The following TGM3 variants were observed in gnomAD, a reference collection of about 807,000 sequenced individuals.
TGM3 encodes the protein transglutaminase 3.
TGM3 carries 52 observed loss-of-function variants against 73.8 expected under a neutral mutation model. The ratio of observed to expected loss-of-function variants is 0.70; its 90% CI spans 0.56 to 0.89. The LOEUF (loss-of-function observed/expected upper bound fraction) is 0.89. TGM3 is among the 40% of genes least tolerant of loss of function. The pLI, the probability that TGM3 is intolerant of heterozygous loss-of-function variation, is 0.00. For missense variants in TGM3, 928 were observed against 909.9 expected (o/e 1.02, Z -0.26); for synonymous variants, 372 against 354.9 (o/e 1.05, Z -0.54).
rs774796716 is a variant in TGM3, at chr20:2,340,915, G to T, written c.*334G>T. On this transcript the variant is annotated 3_prime_UTR_variant, in exon 13 of 13. Coordinates refer to ENST00000381458, the MANE Select transcript of TGM3 (RefSeq NM_003245.4). Reference sequence around the variant, plus strand: ...CCCCTGACCCAGGGACTCTCCAAACGGGATACAGGAGAGAAGCTGGTCTAG... The same window carrying T: ...CCCCTGACCCAGGGACTCTCCAAACTGGATACAGGAGAGAAGCTGGTCTAG... 2.0e-6 allele frequency: 1 copy of T among 493,894 alleles called. No homozygotes were observed. The highest frequency in any genetic ancestry group is 2.3e-5 in the Admixed American group (1 of 43,608). The allele number at this position is 493,894 out of a possible 1,614,324, so 30.6% of individuals were successfully genotyped here. A position where few individuals can be genotyped will look rare whatever the true frequency, so the allele number is the denominator to read the frequency against.
chr20:2,338,020 G>A (rs553234511), intron 11 of TGM3, among the ~76,000 whole-genome samples: 2 of 151,960 alleles, frequency 1.3e-5, no homozygotes, highest in South Asian at 2.1e-4. Flanking sequence ...TCACCTAATC[G>A]AGACATTCTT....
At chr20:2,318,470 G>A (rs2084247015) in intron 7 of TGM3, among the ~76,000 whole-genome samples, 1 of 152,118 alleles carries the variant, frequency 6.6e-6, no homozygotes, top group African/African-American at 2.4e-5. Context: ...TAGAGCACTA[G>A]ATAGATAGAT....
At chr20:2,308,707 G>GC (rs769523572) in intron 1 of TGM3, among the ~76,000 whole-genome samples, 3 of 152,274 alleles carry the variant, frequency 2.0e-5, no homozygotes, top group South Asian at 4.1e-4. Flanking sequence ...AGCATCAGAG[G>GC]CCCAGGCCAA....
chr20:2,301,403 A>C (rs214783), intron 1 of TGM3, among the ~76,000 whole-genome samples: 108,212 of 146,952 alleles, frequency 0.74, 41,788 homozygotes, highest in East Asian at 0.93. Flanking sequence ...ATGGCTTCCC[A>C]TTTCAGGGCC....
intron 4 of TGM3, among the ~76,000 whole-genome samples, chr20:2,312,269 A>G (rs543700699): frequency 1.1e-4 from 17 of 151,560 alleles, no homozygotes; most frequent in South Asian, 4.2e-4. Context: ...GTGTGGTGGC[A>G]CGGGCCTGTA....
intron 8 of TGM3, 183 bp downstream of exon 8, chr20:2,326,135 G>A (rs2084286691): frequency 1.6e-6 from 1 of 643,206 alleles, no homozygotes; most frequent in Non-Finnish European, 2.7e-6. Context: ...CTGTTTAAAT[G>A]AGTGCCTGCC....
chr20:2,306,412 A>AT (rs2084176693), intron 1 of TGM3, among the ~76,000 whole-genome samples: 1 of 151,928 alleles, frequency 6.6e-6, no homozygotes, highest in South Asian at 2.1e-4. Flanking sequence ...GTTTCCTAAA[A>AT]ATATATATTT....
chr20:2,340,040 G>GGTGGGGGGGGGGGGGGC, intron 12 of TGM3, 53 bp downstream of exon 12: 2 of 944,840 alleles, frequency 2.1e-6, no homozygotes, highest in Non-Finnish European at 3.2e-6. Flanking sequence ...GGGCGGGGGG[G>GGTGGGGGGGGGGGGGGC]CCCTCCAGAT....
At chr20:2,322,927 T>TAA (rs2122234728) in intron 7 of TGM3, among the ~76,000 whole-genome samples, 1 of 152,344 alleles carries the variant, frequency 6.6e-6, no homozygotes, top group Non-Finnish European at 1.5e-5. Context: ...ACTATATATA[T>TAA]AACACATACA....
At chr20:2,320,136 C>T (rs1002660699) in intron 7 of TGM3, among the ~76,000 whole-genome samples, 11 of 152,060 alleles carry the variant, frequency 7.2e-5, no homozygotes, top group South Asian at 2.1e-4. Context: ...TAAGGGCAAC[C>T]GGAGTTTGGA....
intron 7 of TGM3, among the ~76,000 whole-genome samples, chr20:2,321,277 G>T (rs530513405): frequency 6.6e-6 from 1 of 152,316 alleles, no homozygotes; most frequent in African/African-American, 2.4e-5. Flanking sequence ...AGGCCTTAGA[G>T]ACTGAATAGA....
In TGM3 at chr20:2,312,042, A is replaced by G. The variant is rs45476297; in HGVS notation, c.541-856A>G. On this transcript the variant is annotated intron_variant, in intron 4 of 12. Transcript: ENST00000381458. ...ATTTTGTGAAAATCACTTCAAATAC[A>G]TATACTTTAGCAAGAGATTTTATTT... Among the ~76,000 whole-genome samples the G allele has an allele frequency of 6.1e-3, 931 of 152,310 alleles. 2 individuals are homozygous for G. The highest frequency in any genetic ancestry group is 9.1e-3 in the Non-Finnish European group (621 of 68,022).
intron 4 of TGM3, among the ~76,000 whole-genome samples, chr20:2,312,118 G>A (rs1222815835): frequency 6.6e-6 from 1 of 152,170 alleles, no homozygotes; most frequent in Non-Finnish European, 1.5e-5. Context: ...ATTGCAGGCA[G>A]GCCAGGTGCA....
intron 1 of TGM3, among the ~76,000 whole-genome samples, chr20:2,304,590 G>A (rs927420805): frequency 1.3e-5 from 2 of 152,086 alleles, no homozygotes; most frequent in African/African-American, 4.8e-5. Context: ...AGGAGGTTTC[G>A]GGACCACAGT....
At chr20:2,311,254 A>G (rs2084202181) in intron 4 of TGM3, 125 bp downstream of exon 4, 1 of 766,738 alleles carries the variant, frequency 1.3e-6, no homozygotes, top group Non-Finnish European at 2.2e-6. Flanking sequence ...TTGTTCATGT[A>G]TTCAGAAGAC....
Position 2,311,036 on chromosome 20 carries a change from C to A in TGM3, c.447C>A (p.His149Gln), listed in dbSNP as rs111464324. Reference sequence around the variant, plus strand: ...TGGATAGCGTCTTTATGGGTAACCACGCTGAGAGAGAAGAGTATGTTCAGG... The same window carrying A: ...TGGATAGCGTCTTTATGGGTAACCAAGCTGAGAGAGAAGAGTATGTTCAGG... Reference protein sequence around the residue: ...LNVDSVFMGNHAEREEYVQED... With the variant: ...LNVDSVFMGNQAEREEYVQED... The change falls in exon 4 of 13, where the codon CAC becomes CAA. Residue 149 changes from histidine to glutamine, a missense_variant. Coordinates refer to ENST00000381458, the MANE Select transcript of TGM3 (RefSeq NM_003245.4). The A allele has an allele frequency of 1.2e-6, 2 of 1,614,010 alleles. No individual in the cohort carries two copies. The highest frequency in any genetic ancestry group is 1.1e-5 in the South Asian group (1 of 91,076).
intron 6 of TGM3, 48 bp downstream of exon 6, chr20:2,317,293 G>A (rs751371284): frequency 6.2e-7 from 1 of 1,613,816 alleles, no homozygotes; most frequent in South Asian, 1.1e-5. Context: ...GTGGCAGTGG[G>A]CTATGCCAAG....
rs774099017 is a variant in TGM3, at chr20:2,328,193, C to G, written c.1161C>G (p.Pro387=). Residue 387 remains proline (P), a synonymous_variant, in exon 9 of 13, where the codon CCC becomes CCG. Coordinates refer to ENST00000381458, the MANE Select transcript of TGM3 (RefSeq NM_003245.4). This position sits in a 1 kb window ranked among gnomAD's most constrained non-coding sequence, Gnocchi z 5.2. ...EGDVQLNFDM[P]FIFAEVNADR... ...ATGTGCAGCTGAACTTCGACATGCC[C>G]TTTATCTTCGCGGAGGTTAATGCCG... 12 of 1,614,072 alleles carry G rather than the reference C, an allele frequency of 7.4e-6. No homozygotes were observed. In the African/African-American group the frequency reaches 1.6e-4, roughly 22 times the overall value.
chr20:2,326,011 C>A, intron 8 of TGM3, 59 bp downstream of exon 8: 1 of 1,505,542 alleles, frequency 6.6e-7, no homozygotes, highest in Non-Finnish European at 9.1e-7. Context: ...CAGCCATGGA[C>A]AGCAGCATAG....
Sources: gnomAD v4.1 joint callset for allele counts (sites outside exome capture counted in the v4.1 genomes callset) on GRCh38, gnomAD v4.1.1 for gene constraint, Gnocchi (gnomAD v3.1) non-coding constraint, MANE v1.5 for transcripts, NCBI Gene and HGNC (gene_info 2026-07-23, HGNC 2026-07-21) for gene names.